The following ZNF331 variants were observed in gnomAD, a reference collection of about 807,000 sequenced individuals.
ZNF331 encodes the protein C2H2-like zinc finger protein rearranged in thyroid adenomas.
ZNF331 carries 2 observed loss-of-function variants against 7.0 expected under a neutral mutation model. That is an observed-to-expected ratio of 0.29 (90% confidence interval 0.12 to 0.90). The LOEUF (loss-of-function observed/expected upper bound fraction) is 0.90. Ranked by LOEUF, ZNF331 falls within the 40% of genes least tolerant of loss-of-function variation. The pLI is 0.58. For missense variants in ZNF331, 432 were observed against 587.7 expected (o/e 0.74, Z 2.74); for synonymous variants, 196 against 205.4 (o/e 0.95, Z 0.39).
chr19:53,530,439 C>T lies in ZNF331; in HGVS notation c.-205+7755C>T, dbSNP rs368057287. Among the ~76,000 whole-genome samples, 23 of 152,276 alleles carry T rather than the reference C, an allele frequency of 1.5e-4. 1 individual carries two copies. Among genetic ancestry groups the T allele is most frequent in the African/African-American group, 5.1e-4 (21 of 41,556 alleles). On this transcript the variant is annotated intron_variant, in intron 2 of 6. Coordinates refer to the ZNF331 transcript ENST00000253144. ...GCAAGTATTCAAGCCATACCGCCCA[C>T]GGATGTCGATTTATAACCAAATAAT... is the stretch of plus-strand genomic sequence containing the variant.
At chr19:53,566,743 T>C (rs1475305018) in intron 3 of ZNF331, among the ~76,000 whole-genome samples, 1 of 152,222 alleles carries the variant, frequency 6.6e-6, no homozygotes, top group Non-Finnish European at 1.5e-5. Context: ...TGGGCCAGTG[T>C]TGCGAGCAGC....
At chr19:53,544,593 T>C (rs1453900346) in intron 2 of ZNF331, among the ~76,000 whole-genome samples, 4 of 148,834 alleles carry the variant, frequency 2.7e-5, no homozygotes, top group South Asian at 2.1e-4. Context: ...TGCCATCATA[T>C]AGCAGACCAT....
chr19:53,567,823 A>T (rs1262718972), intron 3 of ZNF331, among the ~76,000 whole-genome samples: 4 of 146,126 alleles, frequency 2.7e-5, no homozygotes, highest in African/African-American at 7.7e-5. Context: ...AGCCTGGATG[A>T]GAGTGAGACC....
the ZNF331 span, among the ~76,000 whole-genome samples, chr19:53,504,452 C>G: frequency 6.6e-6 from 1 of 150,598 alleles, no homozygotes; most frequent in Non-Finnish European, 1.5e-5. Context: ...ACCTCCTGAT[C>G]CCCCCTCCAC....
chr19:53,546,405 G>A (rs957233681), intron 2 of ZNF331, among the ~76,000 whole-genome samples: 3 of 152,020 alleles, frequency 2.0e-5, no homozygotes, highest in African/African-American at 4.8e-5. Flanking sequence ...CAAGGGCCAG[G>A]CAGGTATATT....
intron 3 of ZNF331, among the ~76,000 whole-genome samples, chr19:53,559,639 CCATATATACACAGCTA>C (rs923536845): frequency 8.9e-5 from 13 of 145,872 alleles, no homozygotes; most frequent in Non-Finnish European, 1.8e-4. Context: ...CACACACATC[CCATATATACACAGCTA>C]CATATATACA....
At chr19:53,572,456 G>A (rs1353001832) in intron 5 of ZNF331, among the ~76,000 whole-genome samples, 3 of 151,460 alleles carry the variant, frequency 2.0e-5, no homozygotes, top group African/African-American at 7.3e-5. Flanking sequence ...TCATACCACT[G>A]TACTCCAGGC....
the ZNF331 span, among the ~76,000 whole-genome samples, chr19:53,510,584 C>G: frequency 6.6e-6 from 1 of 152,072 alleles, no homozygotes; most frequent in Admixed American, 6.5e-5. Context: ...ATCAGTCTGC[C>G]CATCAACCAA....
the ZNF331 span, chr19:53,503,277 T>C: frequency 2.6e-5 from 9 of 349,600 alleles, no homozygotes; most frequent in Non-Finnish European, 5.0e-5. Flanking sequence ...CAAGGGATCC[T>C]CCTACCTCAG....
intron 3 of ZNF331, among the ~76,000 whole-genome samples, chr19:53,565,866 C>G (rs536084109): frequency 6.6e-6 from 1 of 152,188 alleles, no homozygotes; most frequent in Non-Finnish European, 1.5e-5. Context: ...CCTTCTTTGT[C>G]TTTGGAGAGT....
intron 3 of ZNF331, among the ~76,000 whole-genome samples, chr19:53,559,302 AAC>A (rs2089662594): frequency 1.3e-5 from 2 of 149,586 alleles, no homozygotes; most frequent in Non-Finnish European, 1.5e-5. Flanking sequence ...TACGTATACA[AAC>A]ACACCCCATG....
At chr19:53,516,724 A>G (rs1315105120), upstream of ZNF331, among the ~76,000 whole-genome samples, 3 of 152,184 alleles carry the variant, frequency 2.0e-5, no homozygotes, top group Non-Finnish European at 4.4e-5. Flanking sequence ...AGCACAAGAA[A>G]ATGGAAGCTA....
At chr19:53,574,746 C>G (rs2090622879) in intron 5 of ZNF331, among the ~76,000 whole-genome samples, 1 of 152,208 alleles carries the variant, frequency 6.6e-6, no homozygotes, top group Non-Finnish European at 1.5e-5. Context: ...GCACTGCTTA[C>G]ATTCATCACA....
intron 2 of ZNF331, among the ~76,000 whole-genome samples, chr19:53,527,347 C>T (rs1021403150): frequency 2.6e-5 from 4 of 152,136 alleles, no homozygotes; most frequent in African/African-American, 9.7e-5. Flanking sequence ...AAAATGTCCA[C>T]ACCCTAATTC....
rs1382099197 is a variant in ZNF331 at position 53,558,872 on chromosome 19, T to C, written c.-74+2964T>C. Among the ~76,000 whole-genome samples the C allele has an allele frequency of 1.5e-5, 2 of 135,300 alleles. No individual in the cohort carries two copies. Among genetic ancestry groups the C allele is most frequent in the Non-Finnish European group, 3.1e-5 (2 of 64,282 alleles). The allele number at this position is 135,300 out of a possible 152,430, so 88.8% of individuals were successfully genotyped here. A position where few individuals can be genotyped will look rare whatever the true frequency, so the allele number is the denominator to read the frequency against. The stretch of plus-strand genomic sequence containing the variant: ...CACCATACACACATATACACACACA[T>C]ACCCCATATATACACACATATACAC... On this transcript the variant is annotated intron_variant, in intron 3 of 5. Transcript: ENST00000449416. The surrounding 1 kb of genome is among the most constrained non-coding windows in gnomAD (Gnocchi z 4.5).
chr19:53,571,595 C>G lies in ZNF331; in HGVS notation c.10-9C>G. On this transcript the variant is annotated splice_polypyrimidine_tract_variant and intron_variant, in intron 4 of 5. Coordinates refer to ENST00000449416, the MANE Select transcript of ZNF331 (RefSeq NM_001079906.2). The surrounding 1 kb of genome is among the most constrained non-coding windows in gnomAD (Gnocchi z 4.7). ...CATTTCATCATGCACGTGTGGGTTT[C>G]TGTTTCAGGGTTTGGTGACGTTCGC... The G allele has an allele frequency of 1.9e-6, 3 of 1,612,976 alleles. No homozygotes were observed. The highest frequency in any genetic ancestry group is 2.5e-6 in the Non-Finnish European group (3 of 1,179,566).
At chr19:53,521,495 T>A (rs2087086054) in exon 1 of ZNF331, 1 of 152,370 alleles carries the variant, frequency 6.6e-6, no homozygotes, top group African/African-American at 2.4e-5. Flanking sequence ...GCGGCCGGGC[T>A]CTGTCCCCAT....
intron 2 of ZNF331, among the ~76,000 whole-genome samples, chr19:53,532,408 G>T (rs1344660577): frequency 1.3e-5 from 2 of 152,156 alleles, no homozygotes; most frequent in Non-Finnish European, 2.9e-5. Flanking sequence ...TATCACAAAT[G>T]ACTGGATTTT....
the ZNF331 span, chr19:53,504,240 AGT>A: frequency 3.1e-6 from 1 of 320,414 alleles, no homozygotes; most frequent in South Asian, 2.7e-5. Context: ...TCTTCTCATG[AGT>A]GGGGACTCCT....
Sources: gnomAD v4.1 joint callset for allele counts (sites outside exome capture counted in the v4.1 genomes callset) on GRCh38, gnomAD v4.1.1 for gene constraint, Gnocchi (gnomAD v3.1) non-coding constraint, MANE v1.5 for transcripts, NCBI Gene and HGNC (gene_info 2026-07-23, HGNC 2026-07-21) for gene names.